Variants in LRRC63 observed in about 807,000 individuals in gnomAD.
LRRC63 encodes leucine rich repeat containing 63, also known as leucine-rich repeat-containing protein 63.
Under a neutral mutation model 49.5 loss-of-function variants are expected in LRRC63, and 40 were observed. The ratio of observed to expected loss-of-function variants is 0.81; its 90% CI spans 0.63 to 1.05. The LOEUF is 1.05. Among genes scored for constraint, LRRC63 ranks in the 50% least tolerant of loss-of-function variants. The pLI, the probability that LRRC63 is intolerant of heterozygous loss-of-function variation, is 0.00. For missense variants in LRRC63, 636 were observed against 663.1 expected (o/e 0.96, Z 0.45); for synonymous variants, 191 against 221.1 (o/e 0.86, Z 1.21).
rs1421942648 is a variant in LRRC63 at position 46,246,508 on chromosome 13, T to C, written c.991-19T>C. ...CCTTGTTAGTGATTAACACCTTATC[T>C]CTTGTCACTTTCTTTTAGGGCTTTT... On this transcript the variant is annotated intron_variant, in intron 5 of 9. Coordinates refer to ENST00000595396, the Ensembl canonical transcript of LRRC63. The C allele has an allele frequency of 1.1e-5, 15 of 1,320,382 alleles. No individual in the cohort carries two copies. Among genetic ancestry groups the C allele is most frequent in the Non-Finnish European group, 1.4e-5 (14 of 997,606 alleles). The allele number at this position is 1,320,382 out of a possible 1,614,324, so 81.8% of individuals were successfully genotyped here.
chr13:46,256,463 G>A (rs1405205106), intron 7 of LRRC63, among the ~76,000 whole-genome samples: 1 of 152,200 alleles, frequency 6.6e-6, no homozygotes, highest in Non-Finnish European at 1.5e-5. Context: ...GCAGGTGGCA[G>A]AGCTGGGAGC....
chr13:46,248,122 A>T lies in LRRC63; in HGVS notation c.1089+1497A>T, dbSNP rs145690389. Among the ~76,000 whole-genome samples the T allele has an allele frequency of 7.7e-3, 1,165 of 152,194 alleles. 7 individuals are homozygous for T. The highest frequency in any genetic ancestry group is 0.029 in the South Asian group (138 of 4,828). On this transcript the variant is annotated intron_variant, in intron 6 of 9. Transcript: ENST00000595396. The stretch of plus-strand genomic sequence containing the variant: ...AAACAATCACTAAGAAAATAACTCA[A>T]GAGAACATACTGAAAACATTTATTG...
chr13:46,244,872 G>A (rs2047169875), intron 5 of LRRC63, among the ~76,000 whole-genome samples: 1 of 152,126 alleles, frequency 6.6e-6, no homozygotes, highest in Non-Finnish European at 1.5e-5. Context: ...TAGTAATTTT[G>A]TTAAAGGTAA....
chr13:46,273,628 G>A (rs1478152082), intron 9 of LRRC63, among the ~76,000 whole-genome samples: 2 of 147,728 alleles, frequency 1.4e-5, no homozygotes, highest in Non-Finnish European at 3.0e-5. Flanking sequence ...AAAGAGTAGC[G>A]GTGGCTGGGC....
At chr13:46,214,143 C>T (rs977309724) in intron 2 of LRRC63, among the ~76,000 whole-genome samples, 4 of 152,022 alleles carry the variant, frequency 2.6e-5, no homozygotes, top group African/African-American at 7.2e-5. Flanking sequence ...CTCATTTTCC[C>T]CTTCTCAGTT....
intron 7 of LRRC63, among the ~76,000 whole-genome samples, chr13:46,257,633 T>C (rs374094521): frequency 6.6e-6 from 1 of 152,308 alleles, no homozygotes; most frequent in South Asian, 2.1e-4. Context: ...GTAGGCCTTA[T>C]TGAGAAAGGG....
intron 4 of LRRC63, among the ~76,000 whole-genome samples, chr13:46,229,377 T>C (rs979552199): frequency 5.3e-5 from 8 of 152,148 alleles, no homozygotes; most frequent in Admixed American, 5.2e-4. Flanking sequence ...CAGTAACCAA[T>C]GTGGGCGTGA....
chr13:46,227,825 G>A (rs1447201928), exon 3 of LRRC63: 12 of 1,549,770 alleles, frequency 7.7e-6, no homozygotes, highest in African/African-American at 1.4e-5. Context: ...GTTCAAGAAA[G>A]TTTAAAACTA....
chr13:46,230,187 T>G (rs2046705277), intron 4 of LRRC63, among the ~76,000 whole-genome samples: 1 of 152,202 alleles, frequency 6.6e-6, no homozygotes, highest in South Asian at 2.1e-4. Context: ...TATCATGTTC[T>G]TCTCGCATTG....
At chr13:46,236,552 A>C (rs970690744) in intron 5 of LRRC63, among the ~76,000 whole-genome samples, 2 of 152,154 alleles carry the variant, frequency 1.3e-5, no homozygotes, top group Admixed American at 6.6e-5. Context: ...GCAATCTGTC[A>C]ACCAAAAGTC....
chr13:46,219,666 G>A (rs1457825120), intron 2 of LRRC63, among the ~76,000 whole-genome samples: 1 of 152,112 alleles, frequency 6.6e-6, no homozygotes, highest in Admixed American at 6.5e-5. Flanking sequence ...GTGATCCTTT[G>A]GAGGAGAAGA....
intron 7 of LRRC63, among the ~76,000 whole-genome samples, chr13:46,254,287 A>G (rs1180404806): frequency 6.6e-6 from 1 of 152,162 alleles, no homozygotes; most frequent in Non-Finnish European, 1.5e-5. Context: ...GGGATCTTAG[A>G]AACATTTTTA....
intron 2 of LRRC63, among the ~76,000 whole-genome samples, chr13:46,225,009 G>C (rs2046527913): frequency 6.6e-6 from 1 of 152,216 alleles, no homozygotes. Flanking sequence ...TTACTGGTGG[G>C]CCGGTTCCTG....
At chr13:46,270,266 A>G (rs2047738345) in intron 9 of LRRC63, 2 of 883,708 alleles carry the variant, frequency 2.3e-6, no homozygotes, top group Non-Finnish European at 3.9e-6. Context: ...AAAAACAATT[A>G]AAAGCATTCC....
In LRRC63 at chr13:46,227,492, C is replaced by T; in HGVS notation, c.86-20C>T. ...TATTGATAAATATAATTTAATTTTTCTTTTTTTCTTTTGGTTTAGCTAAAA... is the reference window on the plus strand; with the variant it reads ...TATTGATAAATATAATTTAATTTTTTTTTTTTTCTTTTGGTTTAGCTAAAA... On this transcript the variant is annotated intron_variant, in intron 2 of 9. Transcript: ENST00000595396. The T allele has an allele frequency of 7.1e-7, 1 of 1,399,690 alleles. No homozygotes were observed. Among genetic ancestry groups the T allele is most frequent in the Non-Finnish European group, 9.4e-7 (1 of 1,059,234 alleles). 86.7% of individuals were successfully genotyped at this position (1,399,690 alleles called of 1,614,324 possible).
intron 5 of LRRC63, among the ~76,000 whole-genome samples, chr13:46,245,752 G>T (rs951577807): frequency 6.6e-5 from 10 of 152,088 alleles, no homozygotes; most frequent in African/African-American, 2.2e-4. Context: ...TAGAGTAACA[G>T]ATAGAAATCA....
intron 2 of LRRC63, among the ~76,000 whole-genome samples, chr13:46,225,719 T>G (rs1441923288): frequency 6.6e-6 from 1 of 151,876 alleles, no homozygotes; most frequent in East Asian, 1.9e-4. Context: ...CATTATTTTC[T>G]TACTACTGCC....
At chr13:46,262,774 TTC>T (rs1484706610) in intron 8 of LRRC63, among the ~76,000 whole-genome samples, 1 of 152,178 alleles carries the variant, frequency 6.6e-6, no homozygotes, top group African/African-American at 2.4e-5. Context: ...AATGTAATAT[TTC>T]TCTTATTTCC....
At chr13:46,242,239 T>C (rs2047083401) in intron 5 of LRRC63, among the ~76,000 whole-genome samples, 1 of 152,184 alleles carries the variant, frequency 6.6e-6, no homozygotes, top group East Asian at 1.9e-4. Flanking sequence ...TTGTATGTTC[T>C]CATTTATAAG....
Sources: allele counts gnomAD v4.1 joint callset (sites outside exome capture counted in the v4.1 genomes callset), GRCh38; gene constraint gnomAD v4.1.1; transcripts MANE v1.5; gene names NCBI Gene and HGNC (gene_info 2026-07-23, HGNC 2026-07-21).